The following VPS54 variants were observed in gnomAD, a reference collection of about 807,000 sequenced individuals.
VPS54 encodes the protein vacuolar protein sorting-associated protein 54.
Under a neutral mutation model 121.5 loss-of-function variants are expected in VPS54, and 45 were observed. The observed-to-expected ratio is 0.37, with a 90% CI of 0.29 to 0.47. The LOEUF (loss-of-function observed/expected upper bound fraction) is 0.47, where lower values mean the gene tolerates loss of function less well. Among genes scored for constraint, VPS54 ranks in the 20% least tolerant of loss-of-function variants. The probability of loss-of-function intolerance (pLI) is 0.99; values close to 1 mark genes in which losing one functional copy is unlikely to be tolerated. For synonymous variants in VPS54, 371 were observed against 385.8 expected (o/e 0.96, Z 0.45); for missense variants, 1,090 against 1,131.4 (o/e 0.96, Z 0.52).
At chr2:63,942,684 C>T (rs2104511208) in intron 10 of VPS54, 123 bp from the exon 11 acceptor site, 3 of 755,764 alleles carry the variant, frequency 4.0e-6, no homozygotes. Flanking sequence ...CATCTAGATA[C>T]CTAACTAAAA....
At position 63,933,656 on chromosome 2, in the gene VPS54, G is replaced by A. The variant is rs755859043; in HGVS notation, c.1739+17C>T. 1.9e-6 allele frequency: 3 copies of A among 1,591,448 alleles called. No individual in the cohort carries two copies. The highest frequency in any genetic ancestry group is 2.6e-6 in the Non-Finnish European group (3 of 1,166,270). ...GACTCAAAATCTTGTCAATTTGGCA[G>A]TAGCCACTATACTCACATAATATCC... On this transcript the variant is annotated intron_variant, in intron 12 of 22. Coordinates refer to ENST00000272322, the MANE Select transcript of VPS54 (RefSeq NM_016516.3).
intron 1 of VPS54, among the ~76,000 whole-genome samples, chr2:63,989,006 A>G (rs994302932): frequency 2.6e-5 from 4 of 152,134 alleles, no homozygotes; most frequent in East Asian, 1.9e-4. Flanking sequence ...CTCGGCCGGG[A>G]AGGGGGGCCT....
rs1672283812 is a variant in VPS54 at position 63,892,935 on chromosome 2, AAGAT to A, written c.*491_*494del. On this transcript the variant is annotated 3_prime_UTR_variant, in exon 23 of 23. Transcript: ENST00000272322. ...TCAAAAGATGTTTATTTTTTATAGA[AAGAT>A]CTGTAAAAAAATAATAATTTTTCAA... 6.5e-6 allele frequency: 1 copy of A among 153,518 alleles called. No homozygotes were observed. The allele number at this position is 153,518 out of a possible 1,614,324, so 9.5% of individuals were successfully genotyped here.
At chr2:64,008,676 G>C (rs1678282941) in intron 1 of VPS54, among the ~76,000 whole-genome samples, 1 of 152,146 alleles carries the variant, frequency 6.6e-6, no homozygotes, top group Admixed American at 6.5e-5. Flanking sequence ...GTGTGAGTGG[G>C]AGGAGGAGTG....
At chr2:63,908,241 G>A (rs752977377) in intron 20 of VPS54, among the ~76,000 whole-genome samples, 54 of 152,048 alleles carry the variant, frequency 3.6e-4, no homozygotes, top group Middle Eastern at 3.4e-3. Context: ...ATAATAAAAC[G>A]GAACAAACCA....
intron 1 of VPS54, among the ~76,000 whole-genome samples, chr2:64,018,246 G>A (rs1471617696): frequency 1.3e-5 from 2 of 151,972 alleles, no homozygotes; most frequent in Admixed American, 6.6e-5. Flanking sequence ...CTGGTTAGAA[G>A]AAAAAAATTT....
chr2:63,985,314 G>A (rs745857040), intron 1 of VPS54, among the ~76,000 whole-genome samples: 63 of 151,976 alleles, frequency 4.1e-4, no homozygotes, highest in East Asian at 7.7e-4. Flanking sequence ...GTGAGACCCC[G>A]TCTCAAACAA....
chr2:63,908,314 T>C (rs1465216015), intron 20 of VPS54, among the ~76,000 whole-genome samples: 2 of 152,124 alleles, frequency 1.3e-5, no homozygotes, highest in East Asian at 1.9e-4. Context: ...TGTGGCACAG[T>C]AGACTACATT....
At chr2:63,996,588 T>C (rs1677605110) in intron 1 of VPS54, among the ~76,000 whole-genome samples, 1 of 152,236 alleles carries the variant, frequency 6.6e-6, no homozygotes. Flanking sequence ...CATATTTCTC[T>C]TATTGCCAAA....
chr2:63,900,220 C>CAA (rs70965149), intron 20 of VPS54, among the ~76,000 whole-genome samples: 10,841 of 63,140 alleles, frequency 0.17, 1,974 homozygotes, highest in Non-Finnish European at 0.22. Flanking sequence ...AACTCTGTCT[C>CAA]AAAAAAAAAA....
chr2:63,937,411 A>G (rs1228120845), intron 11 of VPS54, among the ~76,000 whole-genome samples: 1 of 152,240 alleles, frequency 6.6e-6, no homozygotes, highest in Admixed American at 6.5e-5. Context: ...ATCACTCATC[A>G]TTAGAAAAAT....
intron 7 of VPS54, among the ~76,000 whole-genome samples, chr2:63,953,118 A>G (rs1273391743): frequency 3.3e-5 from 5 of 150,620 alleles, no homozygotes; most frequent in Admixed American, 1.3e-4. Context: ...AACCCCATGA[A>G]ATTTTTAATT....
intron 21 of VPS54, among the ~76,000 whole-genome samples, chr2:63,898,923 G>C (rs1672554411): frequency 6.6e-6 from 1 of 152,162 alleles, no homozygotes; most frequent in Non-Finnish European, 1.5e-5. Context: ...AGGGAATACA[G>C]TAGCGATAGA....
At chr2:63,950,738 C>A (rs1675204191) in intron 7 of VPS54, among the ~76,000 whole-genome samples, 2 of 152,140 alleles carry the variant, frequency 1.3e-5, no homozygotes, top group South Asian at 4.2e-4. Context: ...GTCTTAAATC[C>A]TGGTGCTCAC....
At chr2:64,013,965 G>A (rs1367711674) in intron 1 of VPS54, among the ~76,000 whole-genome samples, 1 of 152,006 alleles carries the variant, frequency 6.6e-6, no homozygotes, top group Admixed American at 6.6e-5. Context: ...GGCCGAGGCA[G>A]GTAGATCACA....
chr2:64,017,497 CA>C (rs1678763746), intron 1 of VPS54, among the ~76,000 whole-genome samples: 1 of 152,054 alleles, frequency 6.6e-6, no homozygotes, highest in Admixed American at 6.5e-5. Context: ...TAAGCATATG[CA>C]AAAGTAATCA....
intron 21 of VPS54, among the ~76,000 whole-genome samples, chr2:63,899,230 A>C (rs1469673694): frequency 6.6e-6 from 1 of 152,238 alleles, no homozygotes; most frequent in East Asian, 1.9e-4. Context: ...GGACAAATGG[A>C]AAACCTACTT....
intron 20 of VPS54, 42 bp from the exon 21 acceptor site, chr2:63,899,623 A>G (rs1372488008): frequency 1.3e-6 from 2 of 1,516,766 alleles, no homozygotes; most frequent in Admixed American, 1.7e-5. Context: ...ATGTCCTCTG[A>G]ATTGCATAAT....
chr2:63,914,199 G>A lies in VPS54; in HGVS notation c.2317C>T (p.Leu773=), dbSNP rs749880693. 1.9e-6 allele frequency: 3 copies of A among 1,612,676 alleles called. No homozygotes were observed. Among genetic ancestry groups the A allele is most frequent in the African/African-American group, 1.3e-5 (1 of 74,850 alleles). ...ATACATACCTTCAATAAATCTGACA[G>A]ACGAGTAAGCATGTCAGTAGTAACA... ...PSVTTDMLTR[L]SDLLKYFNSR... The change falls in exon 17 of 23, where the codon CTG becomes TTG. Residue 773 remains leucine, a synonymous_variant. Coordinates refer to ENST00000272322, the MANE Select transcript of VPS54 (RefSeq NM_016516.3).
Sources: allele counts gnomAD v4.1 joint callset (sites outside exome capture counted in the v4.1 genomes callset), GRCh38; gene constraint gnomAD v4.1.1; transcripts MANE v1.5; gene names NCBI Gene and HGNC (gene_info 2026-07-23, HGNC 2026-07-21).